The following ESR2 variants were observed in gnomAD, a reference collection of about 807,000 sequenced individuals.
ESR2 encodes the protein estrogen receptor beta.
In ESR2, 36 loss-of-function variants were observed where a neutral mutation model predicts 49.6. The ratio of observed to expected loss-of-function variants is 0.73; its 90% confidence interval spans 0.56 to 0.96. The LOEUF (loss-of-function observed/expected upper bound fraction) is 0.96, where lower values mean the gene tolerates loss of function less well. ESR2 is among the 40% of genes least tolerant of loss of function. ESR2 has a pLI of 0.00. For missense variants in ESR2, 714 were observed against 693.0 expected (o/e 1.03, Z -0.34); for synonymous variants, 320 against 266.1 (o/e 1.20, Z -1.97).
chr14:64,297,073 G>T (rs1041207792), upstream of ESR2, among the ~76,000 whole-genome samples: 1 of 152,072 alleles, frequency 6.6e-6, no homozygotes, highest in African/African-American at 2.4e-5. Flanking sequence ...AGTGAGCAGG[G>T]TCCCAGCCTC....
chr14:64,268,797 C>T lies in ESR2; in HGVS notation c.650G>A (p.Cys217Tyr). 1 of 1,599,266 alleles carries T rather than the reference C, an allele frequency of 6.3e-7. No homozygotes were observed. The highest frequency in any genetic ancestry group is 8.6e-7 in the Non-Finnish European group (1 of 1,166,648). ...TAAGAAGGGAAGCAAGCACTCACCA[C>T]ACTTCACCATTCCCACTTCGTAACA... ...RKCYEVGMVK[C>Y]GSRRERCGYR... The change falls in exon 4 of 9, where the codon TGT (cysteine) becomes TAT (tyrosine). Residue 217 changes from cysteine (C) to tyrosine (Y), a missense_variant and splice_region_variant. Physicochemically the swap from Cys to Tyr is radical, Grantham distance 194. Transcript: ENST00000341099.
intron 5 of ESR2, among the ~76,000 whole-genome samples, chr14:64,258,922 G>A (rs561247699): frequency 4.6e-5 from 7 of 152,194 alleles, no homozygotes; most frequent in African/African-American, 1.4e-4. Context: ...AAAAAATCAC[G>A]CCTTCAGATT....
intron 3 of ESR2, among the ~76,000 whole-genome samples, chr14:64,273,063 AACTTTC>A (rs1351346887): frequency 2.6e-5 from 4 of 151,934 alleles, no homozygotes; most frequent in Non-Finnish European, 5.9e-5. Flanking sequence ...CATTGTAGAG[AACTTTC>A]ACTTATTTGG....
At position 64,285,119 on chromosome 14, in the gene ESR2, G is replaced by A. The variant is rs2076763080; in HGVS notation, c.-90-2044C>T. Reference sequence around the variant, plus strand: ...CCGCCTCGGCCTCCCAAAGTGCTGGGATTACAGGCGTGAGCCACTGTGCCC... The same window carrying A: ...CCGCCTCGGCCTCCCAAAGTGCTGGAATTACAGGCGTGAGCCACTGTGCCC... On this transcript the variant is annotated intron_variant, in intron 1 of 8. Coordinates refer to ENST00000341099, the MANE Select transcript of ESR2 (RefSeq NM_001437.3). Among the ~76,000 whole-genome samples, 5 of 152,154 alleles carry A rather than the reference G, an allele frequency of 3.3e-5. No homozygotes were observed. In the South Asian group the frequency reaches 1.0e-3, roughly 32 times the overall value.
Position 64,268,880 on chromosome 14 carries a change from A to G in ESR2, c.567T>C (p.Asn189=). ...GHNDYICPAT[N]QCTIDKNRRK... Reference sequence around the variant, plus strand: ...GCCGGTTTTTATCGATTGTACACTGATTTGTAGCTGGACAAATATAATCAT... The same window carrying G: ...GCCGGTTTTTATCGATTGTACACTGGTTTGTAGCTGGACAAATATAATCAT... The change falls in exon 4 of 9, where the codon AAT becomes AAC. Residue 189 remains asparagine, a synonymous_variant. Transcript: ENST00000341099. 6.2e-7 allele frequency: 1 copy of G among 1,612,796 alleles called. No individual in the cohort carries two copies. The highest frequency in any genetic ancestry group is 8.5e-7 in the Non-Finnish European group (1 of 1,178,868).
At chr14:64,259,443 C>G (rs545087685) in intron 5 of ESR2, among the ~76,000 whole-genome samples, 1 of 152,350 alleles carries the variant, frequency 6.6e-6, no homozygotes, top group South Asian at 2.1e-4. Flanking sequence ...TTCATTTCTT[C>G]AAGGACTGTA....
chr14:64,274,257 G>C, intron 3 of ESR2, among the ~76,000 whole-genome samples: 1 of 152,160 alleles, frequency 6.6e-6, no homozygotes, highest in Non-Finnish European at 1.5e-5. Flanking sequence ...TTGCTGGGAG[G>C]CTTTTTATAA....
At chr14:64,277,093 G>C (rs1225289960) in intron 3 of ESR2, among the ~76,000 whole-genome samples, 1 of 152,190 alleles carries the variant, frequency 6.6e-6, no homozygotes, top group Non-Finnish European at 1.5e-5. Context: ...CAGATGAAGT[G>C]ATGAGGTCCT....
intron 1 of ESR2, among the ~76,000 whole-genome samples, chr14:64,290,691 C>T (rs956528210): frequency 2.0e-5 from 3 of 152,180 alleles, no homozygotes; most frequent in Non-Finnish European, 4.4e-5. Context: ...GCGTGAGCCA[C>T]CACACCCAGC....
intron 1 of ESR2, among the ~76,000 whole-genome samples, chr14:64,285,754 G>T (rs911051879): frequency 6.6e-6 from 1 of 150,936 alleles, no homozygotes; most frequent in African/African-American, 2.4e-5. Context: ...CTGAATCTGG[G>T]AGGCGGAGGC....
Position 64,230,892 on chromosome 14 carries a change from G to C in ESR2, c.*2245C>G, listed in dbSNP as rs117175517. The C allele has an allele frequency of 0.061, 7,737 of 127,884 alleles. 304 individuals carry two copies. Among genetic ancestry groups the C allele is most frequent in the Non-Finnish European group, 0.084 (5,228 of 62,530 alleles). 7.9% of individuals were successfully genotyped at this position (127,884 alleles called of 1,614,324 possible). A position where few individuals can be genotyped will look rare whatever the true frequency, so the allele number is the denominator to read the frequency against. On this transcript the variant is annotated 3_prime_UTR_variant, in exon 9 of 9. Transcript: ENST00000341099. ...ATATATATATATATATATATATTTC[G>C]TGGCAATTTTTTTTTTTTTTTTTTT...
intron 4 of ESR2, among the ~76,000 whole-genome samples, chr14:64,266,898 C>A (rs940447723): frequency 2.0e-5 from 3 of 152,148 alleles, no homozygotes; most frequent in African/African-American, 7.2e-5. Flanking sequence ...TCCCCCCGCC[C>A]CCAGACAGAG....
intron 8 of ESR2, chr14:64,234,712 C>T (rs1109056): frequency 2.8e-6 from 2 of 706,410 alleles, no homozygotes; most frequent in South Asian, 2.3e-5. Context: ...CATAAACAGG[C>T]TATAAACCCC....
rs1378110049 is a variant in ESR2, at chr14:64,283,067, G to A, written c.-82C>T. On this transcript the variant is annotated 5_prime_UTR_variant, in exon 2 of 9. Coordinates refer to ENST00000341099, the MANE Select transcript of ESR2 (RefSeq NM_001437.3). ...AATGTTCTCAAAGATTCGTGGGCAAGTATAATGGCTGTAAAGAAACACAGA... is the reference window on the plus strand; with the variant it reads ...AATGTTCTCAAAGATTCGTGGGCAAATATAATGGCTGTAAAGAAACACAGA... 2.1e-6 allele frequency: 3 copies of A among 1,399,330 alleles called. No homozygotes were observed. The highest frequency in any genetic ancestry group is 1.4e-5 in the African/African-American group (1 of 69,532). 86.7% of individuals were successfully genotyped at this position (1,399,330 alleles called of 1,614,324 possible).
At chr14:64,255,934 T>C (rs1268093982) in intron 6 of ESR2, among the ~76,000 whole-genome samples, 1 of 152,208 alleles carries the variant, frequency 6.6e-6, no homozygotes, top group Non-Finnish European at 1.5e-5. Context: ...AGTGCTCTTT[T>C]AATAACATTG....
At chr14:64,291,040 C>T (rs773939040) in intron 1 of ESR2, among the ~76,000 whole-genome samples, 2 of 152,154 alleles carry the variant, frequency 1.3e-5, no homozygotes, top group Non-Finnish European at 2.9e-5. Context: ...TCTTCCCTAA[C>T]ACCAACAACA....
intron 1 of ESR2, among the ~76,000 whole-genome samples, chr14:64,286,847 G>A (rs951173886): frequency 5.3e-5 from 8 of 151,826 alleles, no homozygotes; most frequent in African/African-American, 1.7e-4. Flanking sequence ...CTCACAATTA[G>A]CTGGGATTAT....
intron 7 of ESR2, among the ~76,000 whole-genome samples, chr14:64,237,730 G>T (rs572526576): frequency 6.6e-6 from 1 of 152,216 alleles, no homozygotes; most frequent in African/African-American, 2.4e-5. Context: ...TACTGATACA[G>T]ATGAACCTTG....
At chr14:64,296,365 C>T (rs1317454763), upstream of ESR2, among the ~76,000 whole-genome samples, 1 of 152,212 alleles carries the variant, frequency 6.6e-6, no homozygotes, top group African/African-American at 2.4e-5. Context: ...CCAGTAACAA[C>T]AGTGGCTTCA....
Sources: gnomAD v4.1 joint callset for allele counts (sites outside exome capture counted in the v4.1 genomes callset) on GRCh38, gnomAD v4.1.1 for gene constraint, MANE v1.5 for transcripts, NCBI Gene and HGNC (gene_info 2026-07-23, HGNC 2026-07-21) for gene names.